Variants in FMN2 observed in about 807,000 individuals in gnomAD.
FMN2 encodes formin 2, also known as formin-2.
Under a neutral mutation model 142.3 loss-of-function variants are expected in FMN2, and 51 were observed. The ratio of observed to expected loss-of-function variants is 0.36; its 90% confidence interval spans 0.29 to 0.45. The LOEUF (loss-of-function observed/expected upper bound fraction) is 0.45. FMN2 is among the 20% of genes least tolerant of loss of function. The probability of loss-of-function intolerance (pLI) is 1.00; values close to 1 mark genes in which losing one functional copy is unlikely to be tolerated. For missense variants in FMN2, 1,936 were observed against 2,122.8 expected, an observed-to-expected ratio of 0.91 and a Z score of 1.73; for synonymous variants, 882 against 869.8, an observed-to-expected ratio of 1.01 and a Z score of -0.25.
intron 7 of FMN2, among the ~76,000 whole-genome samples, chr1:240,261,704 G>A (rs1372991033): frequency 2.0e-5 from 3 of 152,152 alleles, no homozygotes; most frequent in Non-Finnish European, 4.4e-5. Context: ...AAGGCAGAGA[G>A]GAGAGAAGAG....
intron 8 of FMN2, among the ~76,000 whole-genome samples, chr1:240,301,778 C>T (rs916955808): frequency 2.6e-5 from 4 of 151,812 alleles, no homozygotes; most frequent in African/African-American, 9.7e-5. Flanking sequence ...TTTTCCCCTT[C>T]TACTGCCTTT....
At chr1:240,290,412 G>A (rs1669740704) in intron 7 of FMN2, among the ~76,000 whole-genome samples, 1 of 152,098 alleles carries the variant, frequency 6.6e-6, no homozygotes, top group South Asian at 2.1e-4. Context: ...ACTATTGAAC[G>A]CAAATGTTTA....
chr1:240,388,602 C>T (rs1369706800), intron 14 of FMN2, among the ~76,000 whole-genome samples: 1 of 152,108 alleles, frequency 6.6e-6, no homozygotes, highest in Non-Finnish European at 1.5e-5. Context: ...AAAAATGTTT[C>T]TGTCAAAAGT....
Position 240,297,309 on chromosome 1 carries a change from A to T in FMN2, c.4215+2426A>T, listed in dbSNP as rs193070968. On this transcript the variant is annotated intron_variant, in intron 8 of 17. Coordinates refer to ENST00000319653, the MANE Select transcript of FMN2 (RefSeq NM_020066.5). ...ATTTTATGATGGTTTAGAATATTTTATTTGGGCTGGGTGTGGTGGCTCATG... is the reference window on the plus strand; with the variant it reads ...ATTTTATGATGGTTTAGAATATTTTTTTTGGGCTGGGTGTGGTGGCTCATG... Among the ~76,000 whole-genome samples the T allele has an allele frequency of 2.8e-3, 428 of 152,226 alleles. 2 individuals carry two copies. The highest frequency in any genetic ancestry group is 0.017 in the South Asian group (84 of 4,824).
intron 2 of FMN2, chr1:240,142,543 C>T: frequency 1.2e-6 from 1 of 823,204 alleles, no homozygotes; most frequent in Non-Finnish European, 1.9e-6. Flanking sequence ...AACCTTATCT[C>T]ACTCAGTAAC....
At chr1:240,121,735 T>TAAAAAAAAAAAAAAAAAA (rs71168898) in intron 1 of FMN2, among the ~76,000 whole-genome samples, 4 of 25,678 alleles carry the variant, frequency 1.6e-4, no homozygotes, top group Non-Finnish European at 2.6e-4. Flanking sequence ...AGGGAAATAG[T>TAAAAAAAAAAAAAAAAAA]AAAAAAAAAA....
intron 16 of FMN2, among the ~76,000 whole-genome samples, chr1:240,469,242 A>G (rs1676734256): frequency 6.6e-6 from 1 of 152,142 alleles, no homozygotes; most frequent in African/African-American, 2.4e-5. Flanking sequence ...TACTTCTGAA[A>G]GCATCCTAGA....
At chr1:240,139,528 C>T (rs1663088575) in intron 2 of FMN2, among the ~76,000 whole-genome samples, 1 of 151,580 alleles carries the variant, frequency 6.6e-6, no homozygotes, top group Non-Finnish European at 1.5e-5. Context: ...TAAATACTTA[C>T]CCAATAAGGG....
At chr1:240,146,032 T>C (rs1323348848) in intron 2 of FMN2, among the ~76,000 whole-genome samples, 1 of 151,634 alleles carries the variant, frequency 6.6e-6, no homozygotes, top group African/African-American at 2.4e-5. Flanking sequence ...CAGGTGTAGA[T>C]TGTGTAACTG....
At chr1:240,190,403 A>G (rs1035000217) in intron 4 of FMN2, among the ~76,000 whole-genome samples, 4 of 152,192 alleles carry the variant, frequency 2.6e-5, no homozygotes, top group African/African-American at 7.2e-5. Flanking sequence ...TTCTTTTCTT[A>G]GATGATATGG....
chr1:240,382,888 T>C (rs1298517713), intron 14 of FMN2, among the ~76,000 whole-genome samples: 1 of 151,880 alleles, frequency 6.6e-6, no homozygotes, highest in Non-Finnish European at 1.5e-5. Flanking sequence ...TAACCCAAAC[T>C]GCATGGTACT....
rs150891575 is a variant in FMN2 at position 240,207,651 on chromosome 1, C to T, written c.2839C>T (p.Pro947Ser). ...LPGAGIPPPPPLPGAAIPPPP... is the reference protein window; with the variant it reads ...LPGAGIPPPPSLPGAAIPPPP... Reference sequence around the variant, plus strand: ...CGGAGCGGGAATACCTCCTCCGCCCCCTCTACCCGGAGCGGCAATACCCCC... The same window carrying T: ...CGGAGCGGGAATACCTCCTCCGCCCTCTCTACCCGGAGCGGCAATACCCCC... Residue 947 changes from proline to serine, a missense_variant, in exon 5 of 18, where the codon CCT becomes TCT. This residue lies in a region of FMN2 where 478 missense variants were observed against 462.8 expected (regional missense o/e 1.03). Transcript: ENST00000319653. 1.6e-4 allele frequency: 239 copies of T among 1,516,330 alleles called. 6 individuals carry two copies. The African/African-American group carries it at 2.9e-3, about 18-fold the overall frequency. 93.9% of individuals were successfully genotyped at this position (1,516,330 alleles called of 1,614,324 possible).
chr1:240,166,044 T>G (rs1664469366), intron 2 of FMN2, among the ~76,000 whole-genome samples: 1 of 152,048 alleles, frequency 6.6e-6, no homozygotes, highest in South Asian at 2.1e-4. Flanking sequence ...CCTTGAATCC[T>G]GGCTTGCTAA....
At chr1:240,127,486 G>C (rs1662562702) in intron 2 of FMN2, among the ~76,000 whole-genome samples, 1 of 151,878 alleles carries the variant, frequency 6.6e-6, no homozygotes, top group Non-Finnish European at 1.5e-5. Context: ...TTGTGGTGGT[G>C]GTTGTTTTTG....
intron 2 of FMN2, among the ~76,000 whole-genome samples, chr1:240,166,555 T>C (rs1664489799): frequency 6.6e-6 from 1 of 152,136 alleles, no homozygotes; most frequent in South Asian, 2.1e-4. Flanking sequence ...ACAATATAAA[T>C]TTATAGCCAA....
intron 7 of FMN2, among the ~76,000 whole-genome samples, chr1:240,274,200 A>G (rs998953763): frequency 2.2e-4 from 34 of 151,394 alleles, no homozygotes; most frequent in African/African-American, 7.8e-4. Context: ...AAACAATTTT[A>G]ATATGTACCA....
chr1:240,107,377 TTTTA>T (rs1661653278), intron 1 of FMN2, among the ~76,000 whole-genome samples: 1 of 152,214 alleles, frequency 6.6e-6, no homozygotes, highest in Admixed American at 6.5e-5. Flanking sequence ...GACTCATTCC[TTTTA>T]TTTGAGACTG....
At chr1:240,425,697 T>C (rs1674919042) in intron 15 of FMN2, among the ~76,000 whole-genome samples, 1 of 152,200 alleles carries the variant, frequency 6.6e-6, no homozygotes, top group African/African-American at 2.4e-5. Flanking sequence ...AGAGAAACTG[T>C]TGAGAAGGAG....
At chr1:240,273,367 G>C (rs1669086730) in intron 7 of FMN2, among the ~76,000 whole-genome samples, 1 of 152,178 alleles carries the variant, frequency 6.6e-6, no homozygotes, top group Non-Finnish European at 1.5e-5. Context: ...AGTAGTAAAA[G>C]AAACTTAATT....
Sources: allele counts gnomAD v4.1 joint callset (sites outside exome capture counted in the v4.1 genomes callset), GRCh38; gene constraint gnomAD v4.1.1; regional missense constraint gnomAD v4.1.1; transcripts MANE v1.5; gene names NCBI Gene and HGNC (gene_info 2026-07-23, HGNC 2026-07-21).